The following SHCBP1 variants were observed in gnomAD, a reference collection of about 807,000 sequenced individuals.
The protein encoded by SHCBP1 is SHC SH2 domain-binding protein 1.
In SHCBP1, 60 loss-of-function variants were observed where a neutral mutation model predicts 75.1. That is an observed-to-expected ratio of 0.80 (90% CI 0.65 to 0.99). SHCBP1 has a LOEUF of 0.99. SHCBP1 is among the 50% of genes least tolerant of loss of function. The pLI is 0.00. For synonymous variants in SHCBP1, 290 were observed against 293.2 expected, an observed-to-expected ratio of 0.99 and a Z score of 0.11; for missense variants, 709 against 809.4, an observed-to-expected ratio of 0.88 and a Z score of 1.50.
chr16:46,593,489 G>A (rs370757081), intron 10 of SHCBP1, among the ~76,000 whole-genome samples: 1 of 152,108 alleles, frequency 6.6e-6, no homozygotes, highest in South Asian at 2.1e-4. Context: ...CCAGCACTTC[G>A]GGAGACTGAA....
chr16:46,606,108 G>C (rs987129293), intron 5 of SHCBP1, among the ~76,000 whole-genome samples: 1 of 152,028 alleles, frequency 6.6e-6, no homozygotes, highest in African/African-American at 2.4e-5. Context: ...ATCCATGCCC[G>C]TTAGCTTATT....
chr16:46,608,603 C>CT (rs34823071), intron 4 of SHCBP1, among the ~76,000 whole-genome samples: 116,163 of 127,038 alleles, frequency 0.91, 53,446 homozygotes, highest in East Asian at 0.98. Context: ...TTTGTTAGGA[C>CT]TTTTTTTTTT....
chr16:46,597,546 T>C (rs192127115), intron 9 of SHCBP1, among the ~76,000 whole-genome samples: 1 of 152,384 alleles, frequency 6.6e-6, no homozygotes, highest in East Asian at 1.9e-4. Flanking sequence ...TAAGATACTT[T>C]GTTTTGCTAA....
At position 46,616,273 on chromosome 16, in the gene SHCBP1, C is replaced by A; in HGVS notation, c.388-119G>T. 1.0e-6 allele frequency: 1 copy of A among 965,424 alleles called. No homozygotes were observed. The allele number at this position is 965,424 out of a possible 1,614,324, so 59.8% of individuals were successfully genotyped here. A position where few individuals can be genotyped will look rare whatever the true frequency, so the allele number is the denominator to read the frequency against. ...ACAACATGGGTGGGGAGGCTTTACC[C>A]ATAATATAAAGGATGAACAAGACAG... is the stretch of plus-strand genomic sequence containing the variant. On this transcript the variant is annotated intron_variant, in intron 3 of 12. Transcript: ENST00000303383. The surrounding 1 kb of genome is among the most constrained non-coding windows in gnomAD (Gnocchi z 4.4).
intron 9 of SHCBP1, among the ~76,000 whole-genome samples, chr16:46,599,289 T>C (rs548491728): frequency 2.0e-5 from 3 of 152,292 alleles, no homozygotes; most frequent in South Asian, 4.1e-4. Context: ...AAATTTAACA[T>C]GAGAGACATG....
At position 46,616,462 on chromosome 16, in the gene SHCBP1, G is replaced by A. The variant is rs1965501752; in HGVS notation, c.388-308C>T. Among the ~76,000 whole-genome samples the A allele has an allele frequency of 6.6e-6, 1 of 152,198 alleles. No individual in the cohort carries two copies. ...CCAGGCTGAGGAGGATGAGAAGGAA[G>A]CGGCCATCTGAAGAGCTGGGAAAGC... On this transcript the variant is annotated intron_variant, in intron 3 of 12. Transcript: ENST00000303383. The surrounding 1 kb of genome is among the most constrained non-coding windows in gnomAD (Gnocchi z 4.4).
chr16:46,583,639 A>C lies in SHCBP1; in HGVS notation c.1570T>G (p.Tyr524Asp). 2 of 1,605,034 alleles carry C rather than the reference A, an allele frequency of 1.2e-6. No individual in the cohort carries two copies. Among genetic ancestry groups the C allele is most frequent in the Non-Finnish European group, 1.7e-6 (2 of 1,178,140 alleles). Reference sequence around the variant, plus strand: ...ACCATGGATATCTTGGGAATGTCATAATGTTCATCTAAGAAGTCCTGTGAC... The same window carrying C: ...ACCATGGATATCTTGGGAATGTCATCATGTTCATCTAAGAAGTCCTGTGAC... ...ILIKDFLDEH[Y>D]DIPKISMVNN... The change falls in exon 12 of 13, where the codon TAT (tyrosine) becomes GAT (aspartate). Residue 524 changes from tyrosine to aspartate, a missense_variant. Coordinates refer to ENST00000303383, the MANE Select transcript of SHCBP1 (RefSeq NM_024745.5).
chr16:46,621,266 G>C lies in SHCBP1; in HGVS notation c.94C>G (p.Leu32Val). The C allele has an allele frequency of 1.2e-6, 2 of 1,608,544 alleles. No homozygotes were observed. The highest frequency in any genetic ancestry group is 1.7e-6 in the Non-Finnish European group (2 of 1,178,262). Residue 32 changes from leucine to valine, a missense_variant, in exon 1 of 13, where the codon CTG (leucine) becomes GTG (valine). Coordinates refer to ENST00000303383, the MANE Select transcript of SHCBP1 (RefSeq NM_024745.5). ...GGCATGGAGAGCTCACCTTTCTCCA[G>C]AGACGCCAGCTCCTGCTCCACCGCC... ...GWAVEQELAS[L>V]EKGLFQDEDS...
At chr16:46,593,281 A>G (rs1965080606) in intron 10 of SHCBP1, among the ~76,000 whole-genome samples, 1 of 152,222 alleles carries the variant, frequency 6.6e-6, no homozygotes, top group African/African-American at 2.4e-5. Context: ...TAGCATAAAC[A>G]TATAAAAATA....
intron 10 of SHCBP1, among the ~76,000 whole-genome samples, 161 bp downstream of exon 10, chr16:46,595,391 T>C (rs1221541968): frequency 6.6e-6 from 1 of 152,162 alleles, no homozygotes; most frequent in East Asian, 1.9e-4. Flanking sequence ...CATTTGAAAA[T>C]GCTACATGAG....
intron 10 of SHCBP1, among the ~76,000 whole-genome samples, chr16:46,591,084 G>A (rs531814730): frequency 9.9e-5 from 15 of 152,180 alleles, no homozygotes; most frequent in East Asian, 1.9e-4. Context: ...ACCAAACACC[G>A]CATGTTGTCA....
At position 46,599,239 on chromosome 16, in the gene SHCBP1, C is replaced by T. The variant is rs139571513; in HGVS notation, c.1345+592G>A. Among the ~76,000 whole-genome samples the T allele has an allele frequency of 4.9e-4, 75 of 152,294 alleles. 1 individual carries two copies. The East Asian group carries it at 0.011, about 23-fold the overall frequency. ...CTAGGTGTCAGCCTATCTCAGCTTT[C>T]GACATGCCTTCCTCACTATGTTAAA... On this transcript the variant is annotated intron_variant, in intron 9 of 12. Coordinates refer to ENST00000303383, the MANE Select transcript of SHCBP1 (RefSeq NM_024745.5).
At chr16:46,585,198 G>A (rs1232328493) in intron 10 of SHCBP1, among the ~76,000 whole-genome samples, 1 of 152,178 alleles carries the variant, frequency 6.6e-6, no homozygotes, top group African/African-American at 2.4e-5. Flanking sequence ...CAGCAGTCAT[G>A]TAGCAAGTGA....
chr16:46,604,377 G>A lies in SHCBP1; in HGVS notation c.774C>T (p.Tyr258=). The change falls in exon 6 of 13, where the codon TAC becomes TAT. Residue 258 remains tyrosine (Y), a synonymous_variant. Coordinates refer to ENST00000303383, the MANE Select transcript of SHCBP1 (RefSeq NM_024745.5). ...TGCTTCTCAGATTTAAAAATTTCCT[G>A]TAACTCTCCTCACATTGAGACAACA... ...HNLLSQCEES[Y]RKFLNLRSSL... The A allele has an allele frequency of 6.2e-7, 1 of 1,614,128 alleles. No individual in the cohort carries two copies. Among genetic ancestry groups the A allele is most frequent in the Non-Finnish European group, 8.5e-7 (1 of 1,180,000 alleles).
intron 4 of SHCBP1, among the ~76,000 whole-genome samples, chr16:46,608,983 C>A (rs1965366316): frequency 6.6e-6 from 1 of 152,088 alleles, no homozygotes; most frequent in Non-Finnish European, 1.5e-5. Context: ...ACAAAAAACA[C>A]TGAGAGAGAA....
At chr16:46,617,497 A>ATTG in intron 3 of SHCBP1, 137 bp downstream of exon 3, 4 of 481,030 alleles carry the variant, frequency 8.3e-6, no homozygotes, top group Middle Eastern at 5.0e-4. Flanking sequence ...TTCCTACAAC[A>ATTG]TGGCAATTAG....
intron 4 of SHCBP1, among the ~76,000 whole-genome samples, chr16:46,613,917 G>A (rs1965456956): frequency 6.6e-6 from 1 of 152,150 alleles, no homozygotes; most frequent in Non-Finnish European, 1.5e-5. Context: ...CCCTCCAAAT[G>A]AAGTGTAAAT....
chr16:46,583,368 C>T, intron 12 of SHCBP1, 148 bp downstream of exon 12: 1 of 774,098 alleles, frequency 1.3e-6, no homozygotes, highest in South Asian at 2.1e-5. Flanking sequence ...AATGTTATGA[C>T]TTAATGTTAC....
intron 5 of SHCBP1, among the ~76,000 whole-genome samples, chr16:46,605,384 T>C (rs1033082661): frequency 1.3e-5 from 2 of 151,478 alleles, no homozygotes; most frequent in Non-Finnish European, 2.9e-5. Flanking sequence ...AGCCCAGGAG[T>C]TTGAGGCCAG....
Sources: gnomAD v4.1 joint callset for allele counts (sites outside exome capture counted in the v4.1 genomes callset) on GRCh38, gnomAD v4.1.1 for gene constraint, Gnocchi (gnomAD v3.1) non-coding constraint, MANE v1.5 for transcripts, NCBI Gene and HGNC (gene_info 2026-07-23, HGNC 2026-07-21) for gene names.